ALPK2: variants seen among roughly 807,000 people sequenced by gnomAD.
ALPK2 encodes alpha-protein kinase 2.
A neutral mutation model predicts 163.1 loss-of-function variants in ALPK2; 127 were observed. The observed-to-expected ratio is 0.78, with a 90% CI of 0.67 to 0.90. ALPK2 has a LOEUF of 0.90. Among genes scored for constraint, ALPK2 ranks in the 40% least tolerant of loss-of-function variants. The pLI is 0.00. For synonymous variants in ALPK2, 953 were observed against 959.1 expected, an observed-to-expected ratio of 0.99 and a Z score of 0.12; for missense variants, 2,360 against 2,589.6, an observed-to-expected ratio of 0.91 and a Z score of 1.92.
chr18:58,485,644 A>G (rs2051334730), intron 12 of ALPK2, among the ~76,000 whole-genome samples: 1 of 152,264 alleles, frequency 6.6e-6, no homozygotes, highest in Non-Finnish European at 1.5e-5. Context: ...TATCATTTTT[A>G]CATCTCTATC....
At chr18:58,491,772 T>C (rs2051376065) in intron 12 of ALPK2, among the ~76,000 whole-genome samples, 1 of 152,240 alleles carries the variant, frequency 6.6e-6, no homozygotes, top group Admixed American at 6.5e-5. Context: ...AAATCGGCCA[T>C]GTCCTGTCTA....
At chr18:58,571,755 A>T (rs1278668371) in intron 4 of ALPK2, among the ~76,000 whole-genome samples, 1 of 152,116 alleles carries the variant, frequency 6.6e-6, no homozygotes, top group East Asian at 1.9e-4. Context: ...AGGTGGGCAG[A>T]TCACAAGGTC....
At chr18:58,583,583 G>A (rs969746888) in intron 3 of ALPK2, among the ~76,000 whole-genome samples, 19 of 152,026 alleles carry the variant, frequency 1.2e-4, no homozygotes, top group Admixed American at 7.9e-4. Flanking sequence ...GGAGGCTGAA[G>A]TGGGAGAATC....
chr18:58,499,244 C>T (rs965705909), intron 11 of ALPK2, among the ~76,000 whole-genome samples: 1 of 152,160 alleles, frequency 6.6e-6, no homozygotes, highest in Non-Finnish European at 1.5e-5. Flanking sequence ...AATAGGCACC[C>T]ATTGCAAGCA....
At chr18:58,512,791 G>A (rs111211475) in intron 10 of ALPK2, among the ~76,000 whole-genome samples, 1 of 133,762 alleles carries the variant, frequency 7.5e-6, no homozygotes, top group African/African-American at 2.8e-5. Context: ...GTGGTGTGTG[G>A]GGGTGTGTGT....
chr18:58,628,371 C>A (rs921078118), intron 1 of ALPK2, among the ~76,000 whole-genome samples: 6 of 152,106 alleles, frequency 3.9e-5, no homozygotes, highest in Admixed American at 3.9e-4. Context: ...GTCTCTGGGG[C>A]CTGAGTTACC....
chr18:58,493,559 C>T (rs747232771), intron 12 of ALPK2, among the ~76,000 whole-genome samples: 5 of 152,048 alleles, frequency 3.3e-5, no homozygotes, highest in African/African-American at 4.8e-5. Context: ...TCAGCTTGGC[C>T]GAGTGTGGGA....
intron 1 of ALPK2, among the ~76,000 whole-genome samples, chr18:58,614,229 G>A (rs1568101941): frequency 6.6e-6 from 1 of 152,226 alleles, no homozygotes; most frequent in Non-Finnish European, 1.5e-5. Flanking sequence ...TGAGATGGGA[G>A]AGAGGTTTGA....
chr18:58,592,114 C>A (rs1050286622), intron 3 of ALPK2, among the ~76,000 whole-genome samples: 3 of 152,214 alleles, frequency 2.0e-5, no homozygotes, highest in African/African-American at 7.2e-5. Flanking sequence ...CTCTCCATAT[C>A]TGATGTGACC....
chr18:58,481,679 A>T lies in ALPK2; in HGVS notation c.*144T>A. 1.5e-6 allele frequency: 1 copy of T among 669,440 alleles called. No homozygotes were observed. The highest frequency in any genetic ancestry group is 2.6e-6 in the Non-Finnish European group (1 of 380,548). 41.5% of individuals were successfully genotyped at this position (669,440 alleles called of 1,614,324 possible). A position where few individuals can be genotyped will look rare whatever the true frequency, so the allele number is the denominator to read the frequency against. ...AGTGAAGACAGCAGGTGATGGGTTTAGAAGCATCTTGGCGCACAGTCGGCT... is the reference window on the plus strand; with the variant it reads ...AGTGAAGACAGCAGGTGATGGGTTTTGAAGCATCTTGGCGCACAGTCGGCT... On this transcript the variant is annotated 3_prime_UTR_variant, in exon 13 of 13. Coordinates refer to ENST00000361673, the MANE Select transcript of ALPK2 (RefSeq NM_052947.4).
chr18:58,593,526 T>C (rs1373832773), intron 3 of ALPK2, among the ~76,000 whole-genome samples: 2 of 141,082 alleles, frequency 1.4e-5, no homozygotes, highest in East Asian at 4.1e-4. Flanking sequence ...ATTTCCCCAT[T>C]GTACTCCAGC....
chr18:58,568,735 G>A lies in ALPK2; in HGVS notation c.1962+10079C>T, dbSNP rs201184703. 6.6e-5 allele frequency among the ~76,000 whole-genome samples: 10 copies of A among 152,262 alleles called. No individual in the cohort carries two copies. In the East Asian group the frequency reaches 1.3e-3, roughly 21 times the overall value. The stretch of plus-strand genomic sequence containing the variant: ...GCAATAGAGTATAACAACTATTCAC[G>A]TAGCATTTACATTGTATTAGGTGTT... On this transcript the variant is annotated intron_variant, in intron 4 of 12. Transcript: ENST00000361673.
intron 4 of ALPK2, among the ~76,000 whole-genome samples, chr18:58,558,016 C>T (rs1261855652): frequency 1.3e-5 from 2 of 152,096 alleles, no homozygotes; most frequent in Non-Finnish European, 2.9e-5. Context: ...AACCTGGGAG[C>T]TTTGAGCCAC....
At chr18:58,556,486 G>A (rs542956019) in intron 4 of ALPK2, among the ~76,000 whole-genome samples, 1 of 152,244 alleles carries the variant, frequency 6.6e-6, no homozygotes, top group East Asian at 1.9e-4. Flanking sequence ...AAATGAGCCA[G>A]CCGCTGCAAA....
intron 1 of ALPK2, among the ~76,000 whole-genome samples, chr18:58,622,403 C>T (rs1181960895): frequency 3.3e-5 from 5 of 152,086 alleles, no homozygotes; most frequent in Admixed American, 2.0e-4. Flanking sequence ...TAGTACCTCC[C>T]CTGATTTTAC....
At chr18:58,599,828 T>A (rs2052059754) in intron 3 of ALPK2, among the ~76,000 whole-genome samples, 1 of 152,094 alleles carries the variant, frequency 6.6e-6, no homozygotes, top group Non-Finnish European at 1.5e-5. Flanking sequence ...TTTTTACAGA[T>A]GAGAAAACTG....
intron 5 of ALPK2, among the ~76,000 whole-genome samples, chr18:58,530,582 T>C (rs886149159): frequency 3.0e-4 from 46 of 152,304 alleles, no homozygotes; most frequent in African/African-American, 1.1e-3. Context: ...GACACCTAAA[T>C]ATTCCTAAGC....
At chr18:58,501,785 A>T (rs184948667) in intron 11 of ALPK2, among the ~76,000 whole-genome samples, 62 of 152,280 alleles carry the variant, frequency 4.1e-4, no homozygotes, top group Middle Eastern at 3.4e-3. Flanking sequence ...CAGGGTTATT[A>T]TGAAGATTAA....
At chr18:58,612,754 G>A (rs1482264429) in intron 1 of ALPK2, among the ~76,000 whole-genome samples, 1 of 152,192 alleles carries the variant, frequency 6.6e-6, no homozygotes, top group African/African-American at 2.4e-5. Context: ...TACCGCTACC[G>A]GCAGATACAA....
Sources: allele counts gnomAD v4.1 joint callset (sites outside exome capture counted in the v4.1 genomes callset), GRCh38; gene constraint gnomAD v4.1.1; transcripts MANE v1.5; gene names NCBI Gene and HGNC (gene_info 2026-07-23, HGNC 2026-07-21).